ZNRF3: variants seen among roughly 807,000 people sequenced by gnomAD.
The protein encoded by ZNRF3 is E3 ubiquitin-protein ligase ZNRF3.
In ZNRF3, 23 loss-of-function variants were observed where a neutral mutation model predicts 72.5. The observed-to-expected ratio is 0.32, with a 90% CI of 0.23 to 0.45. ZNRF3 has a LOEUF of 0.45. ZNRF3 is among the 20% of genes least tolerant of loss of function. ZNRF3 has a pLI of 1.00. For missense variants in ZNRF3, 1,169 were observed against 1,272.1 expected, an observed-to-expected ratio of 0.92 and a Z score of 1.23; for synonymous variants, 610 against 545.3, an observed-to-expected ratio of 1.12 and a Z score of -1.65.
intron 2 of ZNRF3, among the ~76,000 whole-genome samples, chr22:29,019,432 T>C (rs182789570): frequency 6.6e-6 from 1 of 152,308 alleles, no homozygotes; most frequent in Non-Finnish European, 1.5e-5. Context: ...ACAACTTAAA[T>C]TCTGAAGACC....
chr22:29,039,057 A>G (rs2036912789), intron 2 of ZNRF3, among the ~76,000 whole-genome samples: 1 of 152,136 alleles, frequency 6.6e-6, no homozygotes, highest in African/African-American at 2.4e-5. Context: ...GGCCCGTGCA[A>G]CTACAACCAG....
At chr22:29,038,412 C>G (rs1453056542) in intron 2 of ZNRF3, among the ~76,000 whole-genome samples, 1 of 151,592 alleles carries the variant, frequency 6.6e-6, no homozygotes, top group Non-Finnish European at 1.5e-5. Flanking sequence ...TCATGGCTCA[C>G]TACAGCTTCA....
At chr22:28,932,015 G>A (rs1216753263) in intron 1 of ZNRF3, among the ~76,000 whole-genome samples, 3 of 152,216 alleles carry the variant, frequency 2.0e-5, no homozygotes, top group Non-Finnish European at 2.9e-5. Context: ...TCTAGGCATG[G>A]GCCAGCTTGG....
chr22:29,039,776 G>A (rs1335322846), intron 2 of ZNRF3, among the ~76,000 whole-genome samples: 3 of 114,154 alleles, frequency 2.6e-5, no homozygotes, highest in Non-Finnish European at 5.0e-5. Flanking sequence ...GTGAGACCTC[G>A]TCTCTACCAA....
chr22:28,990,196 G>A (rs1032588814), intron 2 of ZNRF3, among the ~76,000 whole-genome samples: 2 of 152,232 alleles, frequency 1.3e-5, no homozygotes, highest in African/African-American at 4.8e-5. Context: ...TGTACTTAAT[G>A]TGGAGAGGCT....
At chr22:28,919,738 C>T (rs574799792) in intron 1 of ZNRF3, among the ~76,000 whole-genome samples, 1 of 152,016 alleles carries the variant, frequency 6.6e-6, no homozygotes, top group African/African-American at 2.4e-5. Flanking sequence ...AACTCCTAAC[C>T]TCAGGTGATT....
At chr22:29,013,012 T>C (rs1048048703) in intron 2 of ZNRF3, among the ~76,000 whole-genome samples, 10 of 152,220 alleles carry the variant, frequency 6.6e-5, no homozygotes, top group African/African-American at 2.4e-4. Context: ...AGATGGTAGT[T>C]GATACAGTTC....
At chr22:28,968,678 C>T (rs764494612) in intron 1 of ZNRF3, among the ~76,000 whole-genome samples, 24 of 152,202 alleles carry the variant, frequency 1.6e-4, no homozygotes, top group African/African-American at 4.8e-5. Flanking sequence ...CATTGCACTC[C>T]AGCCTGGGCG....
chr22:29,021,885 TACACACACACACATGC>T (rs2036548743), intron 2 of ZNRF3, among the ~76,000 whole-genome samples: 1 of 151,472 alleles, frequency 6.6e-6, no homozygotes, highest in Non-Finnish European at 1.5e-5. Flanking sequence ...CACACACACA[TACACACACACACATGC>T]ACACACACAC....
chr22:29,048,551 C>T lies in ZNRF3; in HGVS notation c.1015+60C>T. 6.5e-7 allele frequency: 1 copy of T among 1,534,852 alleles called. No individual in the cohort carries two copies. The highest frequency in any genetic ancestry group is 2.3e-5 in the East Asian group (1 of 44,416). On this transcript the variant is annotated intron_variant, in intron 7 of 8. Coordinates refer to ENST00000544604, the MANE Select transcript of ZNRF3 (RefSeq NM_001206998.2). The surrounding 1 kb of genome is among the most constrained non-coding windows in gnomAD (Gnocchi z 4.9). Reference sequence around the variant, plus strand: ...TCAAGTGCCTAGCTAGAGTGTGACACACACCGCAGGCTTGGGAACACTCAG... The same window carrying T: ...TCAAGTGCCTAGCTAGAGTGTGACATACACCGCAGGCTTGGGAACACTCAG...
At chr22:28,897,888 A>C (rs1332623699) in intron 1 of ZNRF3, among the ~76,000 whole-genome samples, 4 of 152,188 alleles carry the variant, frequency 2.6e-5, no homozygotes, top group African/African-American at 9.6e-5. Flanking sequence ...TTGGGATAGC[A>C]TAGTGAGAGG....
Position 29,057,183 on chromosome 22 carries a change from G to C in ZNRF3, c.*3561G>C, listed in dbSNP as rs963397926. 1 of 152,118 alleles carries C rather than the reference G, an allele frequency of 6.6e-6. No homozygotes were observed. The highest frequency in any genetic ancestry group is 1.5e-5 in the Non-Finnish European group (1 of 68,016). 9.4% of individuals were successfully genotyped at this position (152,118 alleles called of 1,614,324 possible). A position where few individuals can be genotyped will look rare whatever the true frequency, so the allele number is the denominator to read the frequency against. Reference sequence around the variant, plus strand: ...TTTTTAAAAAATGTTTTAAAAGCTAGAAGACAACTTATGTATATTCTGTAT... The same window carrying C: ...TTTTTAAAAAATGTTTTAAAAGCTACAAGACAACTTATGTATATTCTGTAT... On this transcript the variant is annotated 3_prime_UTR_variant, in exon 9 of 9. Coordinates refer to ENST00000544604, the MANE Select transcript of ZNRF3 (RefSeq NM_001206998.2).
At chr22:29,016,220 C>T (rs974560406) in intron 2 of ZNRF3, among the ~76,000 whole-genome samples, 9 of 152,252 alleles carry the variant, frequency 5.9e-5, no homozygotes, top group Middle Eastern at 6.8e-3. Context: ...ACCTGATCAA[C>T]GAAGTGTCCA....
At chr22:28,908,419 T>C (rs1010121129) in intron 1 of ZNRF3, among the ~76,000 whole-genome samples, 3 of 152,206 alleles carry the variant, frequency 2.0e-5, no homozygotes, top group Non-Finnish European at 4.4e-5. Flanking sequence ...TGAACTAGCG[T>C]TGGGCCGTGT....
chr22:28,968,002 T>G (rs915259782), intron 1 of ZNRF3, among the ~76,000 whole-genome samples: 4 of 152,060 alleles, frequency 2.6e-5, no homozygotes, highest in Non-Finnish European at 5.9e-5. Flanking sequence ...ATCTGAAAAC[T>G]TATGTCTTAT....
intron 1 of ZNRF3, among the ~76,000 whole-genome samples, chr22:28,917,222 G>T (rs572363377): frequency 2.6e-5 from 4 of 151,796 alleles, no homozygotes; most frequent in East Asian, 1.9e-4. Context: ...ATGTCTTGGG[G>T]TTCCAGTAGA....
chr22:28,933,760 T>C (rs868755758), intron 1 of ZNRF3, among the ~76,000 whole-genome samples: 2 of 84,164 alleles, frequency 2.4e-5, no homozygotes, highest in Non-Finnish European at 2.3e-5. Flanking sequence ...TCACTCTCTC[T>C]CTCTCTCTCT....
chr22:28,958,524 A>C (rs556907098), intron 1 of ZNRF3, among the ~76,000 whole-genome samples: 1 of 152,326 alleles, frequency 6.6e-6, no homozygotes, highest in South Asian at 2.1e-4. Flanking sequence ...TCCTGAGCCC[A>C]GGTTCCTTAT....
At position 28,973,337 on chromosome 22, in the gene ZNRF3, A is replaced by G. The variant is rs528139803; in HGVS notation, c.301-13739A>G. On this transcript the variant is annotated intron_variant, in intron 1 of 8. Coordinates refer to ENST00000544604, the MANE Select transcript of ZNRF3 (RefSeq NM_001206998.2). ...GCACAAAAGTTTTTAATTTTGATGA[A>G]GTTCATTTTGTCTATTTTTTCCTTG... Among the ~76,000 whole-genome samples the G allele has an allele frequency of 2.0e-5, 3 of 152,156 alleles. No homozygotes were observed. The South Asian group carries it at 6.2e-4, about 32-fold the overall frequency.
Sources: allele counts gnomAD v4.1 joint callset (sites outside exome capture counted in the v4.1 genomes callset), GRCh38; gene constraint gnomAD v4.1.1; non-coding constraint Gnocchi (gnomAD v3.1); transcripts MANE v1.5; gene names NCBI Gene and HGNC (gene_info 2026-07-23, HGNC 2026-07-21).